C8orf89: variants seen among roughly 807,000 people sequenced by gnomAD.
The protein encoded by C8orf89 is putative uncharacterized protein C8orf89.
Under a neutral mutation model 15.8 loss-of-function variants are expected in C8orf89, and 14 were observed. The observed-to-expected ratio is 0.89, with a 90% CI of 0.59 to 1.39. The LOEUF (loss-of-function observed/expected upper bound fraction) is 1.39. C8orf89 is among the 40% of genes most tolerant of loss of function. C8orf89 has a pLI of 0.00. For synonymous variants in C8orf89, 55 were observed against 62.2 expected, an observed-to-expected ratio of 0.88 and a Z score of 0.54; for missense variants, 181 against 184.5, an observed-to-expected ratio of 0.98 and a Z score of 0.11.
intron 3 of C8orf89, among the ~76,000 whole-genome samples, chr8:73,245,659 T>C (rs1195395134): frequency 6.6e-6 from 1 of 151,948 alleles, no homozygotes; most frequent in Non-Finnish European, 1.5e-5. Context: ...ATATATAATA[T>C]TGGGAAAAGA....
At chr8:73,258,831 A>G (rs891333557) in intron 1 of C8orf89, among the ~76,000 whole-genome samples, 2 of 151,950 alleles carry the variant, frequency 1.3e-5, no homozygotes, top group Non-Finnish European at 2.9e-5. Flanking sequence ...GGGTATCACC[A>G]TGTTGCCCAG....
At chr8:73,275,231 CTTTTTTTTTT>C in the C8orf89 span, among the ~76,000 whole-genome samples, 8 of 84,744 alleles carry the variant, frequency 9.4e-5, no homozygotes, top group Admixed American at 7.6e-4. Flanking sequence ...TGTAATAGTT[CTTTTTTTTTT>C]TTTTTTTTTT....
the C8orf89 span, among the ~76,000 whole-genome samples, chr8:73,285,650 C>T: frequency 4.6e-5 from 7 of 152,344 alleles, no homozygotes; most frequent in South Asian, 1.4e-3. Context: ...GATTTCTTTG[C>T]GATCCTGGCC....
At chr8:73,261,398 A>AGAGAGGGCAAACG (rs1446906680), upstream of C8orf89, among the ~76,000 whole-genome samples, 1 of 151,850 alleles carries the variant, frequency 6.6e-6, no homozygotes, top group East Asian at 1.9e-4. Context: ...GAACACGGGG[A>AGAGAGGGCAAACG]GAGAGGGCAA....
At chr8:73,251,760 C>T (rs770333369) in intron 2 of C8orf89, among the ~76,000 whole-genome samples, 1 of 152,164 alleles carries the variant, frequency 6.6e-6, no homozygotes, top group Non-Finnish European at 1.5e-5. Context: ...TGGGTATTTT[C>T]CAGGCTTCCA....
chr8:73,273,733 T>C, the C8orf89 span, among the ~76,000 whole-genome samples: 1 of 150,336 alleles, frequency 6.7e-6, no homozygotes, highest in East Asian at 2.0e-4. Context: ...TGGTGCTTTT[T>C]TGTTGGTGAT....
the C8orf89 span, chr8:73,277,714 G>A: frequency 1.3e-6 from 1 of 749,702 alleles, no homozygotes; most frequent in South Asian, 1.3e-5. Flanking sequence ...CTTTACCACT[G>A]CATAGAGGGG....
intron 1 of C8orf89, among the ~76,000 whole-genome samples, chr8:73,257,929 A>C (rs1813434812): frequency 6.6e-6 from 1 of 152,158 alleles, no homozygotes; most frequent in African/African-American, 2.4e-5. Flanking sequence ...TTTGGAAAAA[A>C]TAGTTTCTGT....
chr8:73,267,435 CA>C, the C8orf89 span, among the ~76,000 whole-genome samples: 1 of 152,114 alleles, frequency 6.6e-6, no homozygotes, highest in African/African-American at 2.4e-5. Context: ...AACAAAACAA[CA>C]GCAAAAACAA....
intron 1 of C8orf89, among the ~76,000 whole-genome samples, chr8:73,257,360 T>A (rs954952108): frequency 7.9e-5 from 12 of 152,202 alleles, no homozygotes; most frequent in African/African-American, 2.7e-4. Flanking sequence ...AAAGAACAGC[T>A]TCATGGATCT....
At chr8:73,242,144 A>G (rs903524924) in intron 3 of C8orf89, among the ~76,000 whole-genome samples, 1 of 152,182 alleles carries the variant, frequency 6.6e-6, no homozygotes, top group African/African-American at 2.4e-5. Context: ...GACAAATGAG[A>G]TCACATCAAG....
intron 1 of C8orf89, among the ~76,000 whole-genome samples, chr8:73,258,000 T>G (rs1813438223): frequency 6.6e-6 from 1 of 152,194 alleles, no homozygotes; most frequent in Non-Finnish European, 1.5e-5. Context: ...GAAGGGTGGA[T>G]AAACTGCTGT....
the C8orf89 span, among the ~76,000 whole-genome samples, chr8:73,285,097 G>T: frequency 6.6e-6 from 1 of 152,188 alleles, no homozygotes; most frequent in African/African-American, 2.4e-5. Context: ...AACAGAAAGA[G>T]GGTTTTAACA....
At chr8:73,273,842 C>T in the C8orf89 span, among the ~76,000 whole-genome samples, 2 of 149,910 alleles carry the variant, frequency 1.3e-5, no homozygotes, top group Admixed American at 6.6e-5. Flanking sequence ...AACTGTTTAT[C>T]TTGCTTAACC....
chr8:73,251,537 A>G (rs1270349940), intron 2 of C8orf89, among the ~76,000 whole-genome samples: 1 of 152,268 alleles, frequency 6.6e-6, no homozygotes. Context: ...TTATATATGA[A>G]GAACACTTGT....
At chr8:73,245,167 C>T (rs548291031) in intron 3 of C8orf89, among the ~76,000 whole-genome samples, 59 of 152,302 alleles carry the variant, frequency 3.9e-4, no homozygotes, top group Middle Eastern at 3.4e-3. Context: ...GGGGCAACCG[C>T]CCCCATGATT....
upstream of C8orf89, among the ~76,000 whole-genome samples, chr8:73,261,175 C>T (rs1487684637): frequency 6.6e-6 from 1 of 152,136 alleles, no homozygotes; most frequent in Non-Finnish European, 1.5e-5. Flanking sequence ...CTTGTGATCA[C>T]GTGAGTCAAT....
At chr8:73,245,094 G>A (rs1813095746) in intron 3 of C8orf89, among the ~76,000 whole-genome samples, 1 of 152,112 alleles carries the variant, frequency 6.6e-6, no homozygotes, top group Admixed American at 6.6e-5. Context: ...CCAAGCAAAA[G>A]GGGTTTCCTC....
chr8:73,285,423 A>G, the C8orf89 span, among the ~76,000 whole-genome samples: 1 of 152,138 alleles, frequency 6.6e-6, no homozygotes, highest in African/African-American at 2.4e-5. Context: ...TCCCATCATA[A>G]AGTGCATCTA....
Sources: allele counts gnomAD v4.1 joint callset (sites outside exome capture counted in the v4.1 genomes callset), GRCh38; gene constraint gnomAD v4.1.1; transcripts MANE v1.5; gene names NCBI Gene and HGNC (gene_info 2026-07-23, HGNC 2026-07-21).